The following GOLM2 variants were observed in gnomAD, a reference collection of about 807,000 sequenced individuals.
GOLM2 encodes the protein golgi membrane protein 2, also known as protein GOLM2.
Under a neutral mutation model 55.9 loss-of-function variants are expected in GOLM2, and 26 were observed. The observed-to-expected ratio is 0.47, with a 90% CI of 0.34 to 0.65. The LOEUF (loss-of-function observed/expected upper bound fraction) is 0.65. Ranked by LOEUF, GOLM2 falls within the 30% of genes least tolerant of loss-of-function variation. GOLM2 has a pLI of 0.01. For missense variants in GOLM2, 486 were observed against 531.8 expected (o/e 0.91, Z 0.85); for synonymous variants, 165 against 194.6 (o/e 0.85, Z 1.27).
chr15:44,327,927 T>C (rs1026838157), intron 2 of GOLM2, among the ~76,000 whole-genome samples: 3 of 152,236 alleles, frequency 2.0e-5, no homozygotes, highest in Non-Finnish European at 4.4e-5. Context: ...CTACCATCCA[T>C]AGCCGAACTA....
At chr15:44,410,361 G>A (rs1012313041) in intron 9 of GOLM2, among the ~76,000 whole-genome samples, 22 of 152,178 alleles carry the variant, frequency 1.4e-4, no homozygotes, top group African/African-American at 5.1e-4. Context: ...AACCTGGGAG[G>A]CGGAGCTTGC....
intron 1 of GOLM2, among the ~76,000 whole-genome samples, chr15:44,318,639 G>A (rs917222417): frequency 3.3e-5 from 5 of 151,566 alleles, no homozygotes; most frequent in Non-Finnish European, 7.4e-5. Context: ...AACCTGGGAC[G>A]TGGAGGTTGC....
intron 6 of GOLM2, among the ~76,000 whole-genome samples, chr15:44,364,829 T>G (rs2079273358): frequency 6.6e-6 from 1 of 152,080 alleles, no homozygotes. Context: ...ATCAGGGAAA[T>G]CTACTACAGT....
At chr15:44,337,323 C>T (rs1595633660) in intron 4 of GOLM2, among the ~76,000 whole-genome samples, 1 of 152,006 alleles carries the variant, frequency 6.6e-6, no homozygotes. Flanking sequence ...TGTTTTTCAC[C>T]CTTGCTCTTG....
chr15:44,412,368 G>A (rs1414231577), intron 9 of GOLM2, among the ~76,000 whole-genome samples: 1 of 152,132 alleles, frequency 6.6e-6, no homozygotes, highest in East Asian at 1.9e-4. Context: ...GCACTATTTG[G>A]AGTAATTTAA....
chr15:44,327,033 C>T (rs1318932272), intron 2 of GOLM2, among the ~76,000 whole-genome samples: 1 of 151,130 alleles, frequency 6.6e-6, no homozygotes, highest in Non-Finnish European at 1.5e-5. Context: ...TCACTGTAAG[C>T]TCCACCTTCT....
At chr15:44,321,962 G>A (rs1317798441) in intron 1 of GOLM2, among the ~76,000 whole-genome samples, 2 of 152,150 alleles carry the variant, frequency 1.3e-5, no homozygotes, top group African/African-American at 4.8e-5. Context: ...GAGAGCCTGA[G>A]ATAGGAGGAT....
intron 8 of GOLM2, 31 bp from the exon 9 acceptor site, chr15:44,402,855 AC>A: frequency 6.2e-7 from 1 of 1,607,760 alleles, no homozygotes; most frequent in Non-Finnish European, 8.5e-7. Flanking sequence ...TTCTCTCTTT[AC>A]TCTTGAATTA....
intron 6 of GOLM2, chr15:44,355,142 C>A: frequency 5.0e-6 from 1 of 201,154 alleles, no homozygotes; most frequent in South Asian, 1.0e-4. Flanking sequence ...CCTCCTGCAC[C>A]ACCAACTGCT....
intron 8 of GOLM2, among the ~76,000 whole-genome samples, 159 bp downstream of exon 8, chr15:44,381,135 T>G (rs1205155203): frequency 6.6e-6 from 1 of 152,210 alleles, no homozygotes; most frequent in Non-Finnish European, 1.5e-5. Flanking sequence ...ATACAGGTTT[T>G]AAATGGATAG....
chr15:44,360,394 G>A (rs972333471), intron 6 of GOLM2, among the ~76,000 whole-genome samples: 5 of 152,118 alleles, frequency 3.3e-5, no homozygotes, highest in African/African-American at 1.2e-4. Context: ...AAAGGCAGGG[G>A]TTGCAATCCT....
chr15:44,303,182 C>T (rs1030048121), intron 1 of GOLM2, among the ~76,000 whole-genome samples: 1 of 152,048 alleles, frequency 6.6e-6, no homozygotes, highest in African/African-American at 2.4e-5. Context: ...ATATTTCATA[C>T]TATTCCCTAT....
intron 1 of GOLM2, among the ~76,000 whole-genome samples, chr15:44,297,578 T>C (rs1490629697): frequency 6.6e-6 from 1 of 151,654 alleles, no homozygotes; most frequent in Non-Finnish European, 1.5e-5. Flanking sequence ...TTTTTTTTAA[T>C]TGAGGCAGAG....
At position 44,329,347 on chromosome 15, in the gene GOLM2, A is replaced by C. The variant is rs116413801; in HGVS notation, c.485+560A>C. 8.3e-3 allele frequency among the ~76,000 whole-genome samples: 1,271 copies of C among 152,304 alleles called. 20 individuals carry two copies. Among genetic ancestry groups the C allele is most frequent in the African/African-American group, 0.029 (1,206 of 41,564 alleles). ...GATATTTTTTAGATTTGTACACCAA[A>C]AGTTAGAAAGATTTGCCATATTTTA... On this transcript the variant is annotated intron_variant, in intron 3 of 9. Transcript: ENST00000299957.
At chr15:44,365,460 G>A (rs570843298) in intron 6 of GOLM2, among the ~76,000 whole-genome samples, 138 of 152,188 alleles carry the variant, frequency 9.1e-4, no homozygotes, top group African/African-American at 3.1e-3. Flanking sequence ...CTGGGAAGTT[G>A]AGGCTGCAGT....
At chr15:44,398,947 C>T (rs1469878057) in intron 8 of GOLM2, among the ~76,000 whole-genome samples, 5 of 151,718 alleles carry the variant, frequency 3.3e-5, no homozygotes, top group African/African-American at 9.7e-5. Flanking sequence ...GGATTACAGG[C>T]GTGAGCCACC....
chr15:44,290,841 G>T (rs969626664), intron 1 of GOLM2, among the ~76,000 whole-genome samples: 1 of 151,862 alleles, frequency 6.6e-6, no homozygotes. Flanking sequence ...TGTTTTTGTT[G>T]CCCAGGCAGG....
chr15:44,309,119 G>A (rs571171038), intron 1 of GOLM2, among the ~76,000 whole-genome samples: 1 of 152,166 alleles, frequency 6.6e-6, no homozygotes, highest in East Asian at 1.9e-4. Context: ...AATGATTATT[G>A]TCAGAAAGGT....
At chr15:44,409,000 G>A (rs543702089) in intron 9 of GOLM2, among the ~76,000 whole-genome samples, 28 of 151,984 alleles carry the variant, frequency 1.8e-4, no homozygotes, top group African/African-American at 6.5e-4. Context: ...CAAAAAGGAC[G>A]GGCACGGTGG....
Sources: allele counts gnomAD v4.1 joint callset (sites outside exome capture counted in the v4.1 genomes callset), GRCh38; gene constraint gnomAD v4.1.1; transcripts MANE v1.5; gene names NCBI Gene and HGNC (gene_info 2026-07-23, HGNC 2026-07-21).